PCDHA12: variants seen among roughly 807,000 people sequenced by gnomAD.
PCDHA12 encodes protocadherin alpha-12.
PCDHA12 carries 44 observed loss-of-function variants against 60.0 expected under a neutral mutation model. The observed-to-expected ratio is 0.73, with a 90% CI of 0.58 to 0.94. PCDHA12 has a LOEUF of 0.94. PCDHA12 is among the 40% of genes least tolerant of loss of function. The pLI is 0.00. For synonymous variants in PCDHA12, 569 were observed against 553.0 expected, an observed-to-expected ratio of 1.03 and a Z score of -0.40; for missense variants, 1,276 against 1,239.7, an observed-to-expected ratio of 1.03 and a Z score of -0.44.
chr5:140,884,935 A>G lies in PCDHA12; in HGVS notation c.2367+7096A>G, dbSNP rs577267570. ...AATAGTTCTAAGTATTTATCTTGCA[A>G]TTGAGCATTTACAAAAAATTCCTCA... On this transcript the variant is annotated intron_variant, in intron 1 of 3. Coordinates refer to ENST00000398631, the MANE Select transcript of PCDHA12 (RefSeq NM_018903.4). Among the ~76,000 whole-genome samples, 4 of 152,344 alleles carry G rather than the reference A, an allele frequency of 2.6e-5. No homozygotes were observed. In the East Asian group the frequency reaches 5.8e-4, roughly 22 times the overall value.
At chr5:140,912,465 C>T (rs2153521985) in intron 1 of PCDHA12, among the ~76,000 whole-genome samples, 1 of 151,968 alleles carries the variant, frequency 6.6e-6, no homozygotes, top group South Asian at 2.1e-4. Context: ...TATCCTGGAA[C>T]TTTACTGAAT....
chr5:140,939,175 C>A (rs2092330886), intron 1 of PCDHA12, among the ~76,000 whole-genome samples: 1 of 152,010 alleles, frequency 6.6e-6, no homozygotes, highest in African/African-American at 2.4e-5. Context: ...TGGTAATGGC[C>A]CACTCCCTGG....
At chr5:140,975,283 A>G (rs1554236730) in intron 1 of PCDHA12, among the ~76,000 whole-genome samples, 1 of 152,122 alleles carries the variant, frequency 6.6e-6, no homozygotes, top group Non-Finnish European at 1.5e-5. Context: ...TGACCTCTAG[A>G]CCCAGATTTA....
At chr5:140,936,340 C>T (rs1346812812) in intron 1 of PCDHA12, among the ~76,000 whole-genome samples, 1 of 152,102 alleles carries the variant, frequency 6.6e-6, no homozygotes, top group Non-Finnish European at 1.5e-5. Flanking sequence ...TCTCTATCTG[C>T]ATATATGGAA....
chr5:140,967,966 G>A, intron 1 of PCDHA12: 1 of 1,614,214 alleles, frequency 6.2e-7, no homozygotes, highest in African/African-American at 1.3e-5. Context: ...ACCGGAAAGT[G>A]AGCCTGGGTC....
At chr5:140,998,903 G>A (rs1465203456) in intron 3 of PCDHA12, among the ~76,000 whole-genome samples, 9 of 152,156 alleles carry the variant, frequency 5.9e-5, no homozygotes, top group African/African-American at 1.7e-4. Flanking sequence ...CAATGCCTCC[G>A]GGAGGTAGCT....
At position 141,010,158 on chromosome 5, in the gene PCDHA12, GT is replaced by G. The variant is rs1563735803; in HGVS notation, c.*225del. 1.3e-6 allele frequency: 2 copies of G among 1,570,690 alleles called. No homozygotes were observed. The highest frequency in any genetic ancestry group is 1.7e-6 in the Non-Finnish European group (2 of 1,156,884). ...TAACTCTTTCTCTCCACTCTGGCTT[GT>G]TTTCAGAACCTAAAAAGCAGACCCA... On this transcript the variant is annotated 3_prime_UTR_variant, in exon 4 of 4. Coordinates refer to ENST00000398631, the MANE Select transcript of PCDHA12 (RefSeq NM_018903.4).
intron 1 of PCDHA12, among the ~76,000 whole-genome samples, chr5:140,964,412 GC>G (rs1330052602): frequency 7.9e-5 from 12 of 152,126 alleles, no homozygotes; most frequent in African/African-American, 2.9e-4. Flanking sequence ...ACATTTGGGG[GC>G]TTCCATTAAA....
chr5:140,957,968 T>C (rs1276763203), intron 1 of PCDHA12, among the ~76,000 whole-genome samples: 1 of 152,154 alleles, frequency 6.6e-6, no homozygotes, highest in Non-Finnish European at 1.5e-5. Flanking sequence ...TCAGAGATGC[T>C]GTATAAATAG....
At chr5:140,903,787 A>G (rs782220484) in intron 1 of PCDHA12, among the ~76,000 whole-genome samples, 10 of 152,174 alleles carry the variant, frequency 6.6e-5, no homozygotes, top group Non-Finnish European at 1.3e-4. Context: ...TAAACTATCT[A>G]TGGTTGTAAT....
chr5:140,928,712 GT>G (rs782592622), intron 1 of PCDHA12: 1 of 1,614,168 alleles, frequency 6.2e-7, no homozygotes, highest in Non-Finnish European at 8.5e-7. Context: ...TCTGACTCTA[GT>G]CTCTTTAGAA....
At chr5:140,975,560 A>T (rs1302523568) in intron 1 of PCDHA12, among the ~76,000 whole-genome samples, 1 of 152,238 alleles carries the variant, frequency 6.6e-6, no homozygotes, top group Non-Finnish European at 1.5e-5. Flanking sequence ...AAGGAAAAGG[A>T]GATATTATAT....
At chr5:140,901,515 T>C (rs1323018473) in intron 1 of PCDHA12, among the ~76,000 whole-genome samples, 1 of 152,178 alleles carries the variant, frequency 6.6e-6, no homozygotes, top group Non-Finnish European at 1.5e-5. Context: ...ATTATAGATA[T>C]GTGGATTTGT....
intron 1 of PCDHA12, among the ~76,000 whole-genome samples, chr5:140,937,309 T>G (rs1210222120): frequency 6.6e-6 from 1 of 152,102 alleles, no homozygotes; most frequent in African/African-American, 2.4e-5. Flanking sequence ...AGTGCTGGGA[T>G]TACAGGCGTG....
intron 1 of PCDHA12, among the ~76,000 whole-genome samples, chr5:140,909,754 G>T (rs2074670000): frequency 6.6e-6 from 1 of 152,100 alleles, no homozygotes; most frequent in Non-Finnish European, 1.5e-5. Context: ...AATGACCACA[G>T]GATGAGTCCA....
intron 1 of PCDHA12, chr5:140,929,269 A>G (rs138062218): frequency 3.0e-5 from 49 of 1,611,106 alleles, no homozygotes; most frequent in African/African-American, 5.3e-5. Context: ...GAATTTGCCA[A>G]TATCCTGTAT....
intron 1 of PCDHA12, chr5:140,927,606 C>T: frequency 6.2e-7 from 1 of 1,614,202 alleles, no homozygotes; most frequent in Non-Finnish European, 8.5e-7. Context: ...GCTCCGTATA[C>T]CGCACCAAGG....
rs782094508 is a variant in PCDHA12 at position 140,876,398 on chromosome 5, A to C, written c.926A>C (p.Asp309Ala). The C allele has an allele frequency of 6.2e-7, 1 of 1,613,962 alleles. No homozygotes were observed. Among genetic ancestry groups the C allele is most frequent in the South Asian group, 1.1e-5 (1 of 91,088 alleles). ...GAAATTAGAATTTATGGTGAACTGGATTTTGAAGAGAATAATGCCTATGAA... is the reference window on the plus strand; with the variant it reads ...GAAATTAGAATTTATGGTGAACTGGCTTTTGAAGAGAATAATGCCTATGAA... Reference protein sequence around the residue: ...TGEIRIYGELDFEENNAYEIQ... With the variant: ...TGEIRIYGELAFEENNAYEIQ... The change falls in exon 1 of 4, where the codon GAT (aspartate) becomes GCT (alanine). Residue 309 changes from aspartate (D) to alanine (A), a missense_variant. Coordinates refer to ENST00000398631, the MANE Select transcript of PCDHA12 (RefSeq NM_018903.4).
intron 1 of PCDHA12, among the ~76,000 whole-genome samples, chr5:140,962,257 A>C (rs915555866): frequency 6.6e-6 from 1 of 152,174 alleles, no homozygotes; most frequent in Admixed American, 6.5e-5. Context: ...AATGAAAAAT[A>C]ATTTTATAAT....
Sources: allele counts gnomAD v4.1 joint callset (sites outside exome capture counted in the v4.1 genomes callset), GRCh38; gene constraint gnomAD v4.1.1; transcripts MANE v1.5; gene names NCBI Gene and HGNC (gene_info 2026-07-23, HGNC 2026-07-21).